Variants in TTC23 observed in about 807,000 individuals in gnomAD.
TTC23 encodes the protein tetratricopeptide repeat protein 23.
TTC23 carries 58 observed loss-of-function variants against 55.1 expected under a neutral mutation model. The observed-to-expected ratio is 1.05, with a 90% CI of 0.85 to 1.31. TTC23 has a LOEUF of 1.31. TTC23 is among the 50% of genes most tolerant of loss of function. TTC23 has a pLI of 0.00. For synonymous variants in TTC23, 203 were observed against 199.9 expected, an observed-to-expected ratio of 1.02 and a Z score of -0.13; for missense variants, 516 against 534.4, an observed-to-expected ratio of 0.97 and a Z score of 0.34.
intron 9 of TTC23, among the ~76,000 whole-genome samples, chr15:99,197,201 C>CA (rs2075801176): frequency 6.6e-6 from 1 of 152,022 alleles, no homozygotes; most frequent in South Asian, 2.1e-4. Flanking sequence ...CTCCCAGGCT[C>CA]ACGCCATTCT....
chr15:99,185,325 G>A (rs1366908879), intron 9 of TTC23, among the ~76,000 whole-genome samples: 3 of 152,294 alleles, frequency 2.0e-5, no homozygotes, highest in Middle Eastern at 3.4e-3. Context: ...ACCATTAGCT[G>A]AGAACTCTGC....
chr15:99,247,062 A>C (rs2080310103), intron 1 of TTC23, among the ~76,000 whole-genome samples: 1 of 152,244 alleles, frequency 6.6e-6, no homozygotes, highest in Non-Finnish European at 1.5e-5. Flanking sequence ...AAGCACATGA[A>C]AAGATGCTTC....
At chr15:99,187,469 C>CAAAAAAAAAAAAAAAAA (rs1451783999) in intron 9 of TTC23, among the ~76,000 whole-genome samples, 1 of 110,656 alleles carries the variant, frequency 9.0e-6, no homozygotes, top group Non-Finnish European at 1.8e-5. Context: ...AAAAAAAAAA[C>CAAAAAAAAAAAAAAAAA]AAAACAAAAG....
At chr15:99,204,639 T>TTTTTTTTTTG in intron 8 of TTC23, among the ~76,000 whole-genome samples, 1 of 126,730 alleles carries the variant, frequency 7.9e-6, no homozygotes, top group Non-Finnish European at 1.6e-5. Flanking sequence ...AAGGTTTTTT[T>TTTTTTTTTTG]TTTTTTTTTT....
At position 99,166,489 on chromosome 15, in the gene TTC23, T is replaced by C. The variant is rs546709687; in HGVS notation, c.866-4622A>G. ...ATTTTCCAAAGAGGATGCTTGTCAG[T>C]GTACGTGGACCTCCGGAAGAGGGAA... is the stretch of plus-strand genomic sequence containing the variant. On this transcript the variant is annotated intron_variant, in intron 10 of 13. Transcript: ENST00000394132. Among the ~76,000 whole-genome samples, 5 of 152,184 alleles carry C rather than the reference T, an allele frequency of 3.3e-5. No homozygotes were observed. In the East Asian group the frequency reaches 9.6e-4, roughly 29 times the overall value.
At chr15:99,201,063 A>G (rs1396004779) in intron 8 of TTC23, among the ~76,000 whole-genome samples, 1 of 152,248 alleles carries the variant, frequency 6.6e-6, no homozygotes, top group Non-Finnish European at 1.5e-5. Flanking sequence ...AGCCATTGCT[A>G]TGTTAGCAAT....
intron 10 of TTC23, among the ~76,000 whole-genome samples, chr15:99,162,663 AG>A (rs1407408884): frequency 6.6e-6 from 1 of 152,172 alleles, no homozygotes; most frequent in East Asian, 1.9e-4. Context: ...CAGAATTCTA[AG>A]GTGACCCGTG....
chr15:99,209,104 C>G (rs2076844342), intron 8 of TTC23, among the ~76,000 whole-genome samples: 1 of 152,158 alleles, frequency 6.6e-6, no homozygotes, highest in East Asian at 1.9e-4. Context: ...CTACAGAGCA[C>G]AAGAGGAGAC....
rs35676358 is a variant in TTC23 at position 99,171,559 on chromosome 15, C to CTTTT, written c.865+3487_865+3490dup. On this transcript the variant is annotated intron_variant, in intron 10 of 13. Transcript: ENST00000394132. ...CTTGCTTGCTCCTGAGTCTCTCCGT[C>CTTTT]TTTTTTTTTTTTTTTTTTTTTTGAG... is the stretch of plus-strand genomic sequence containing the variant. Among the ~76,000 whole-genome samples the CTTTT allele has an allele frequency of 1.6e-3, 145 of 92,292 alleles. 1 individual carries two copies. Among genetic ancestry groups the CTTTT allele is most frequent in the East Asian group, 4.1e-3 (11 of 2,682 alleles). 60.5% of individuals were successfully genotyped at this position (92,292 alleles called of 152,430 possible).
At chr15:99,156,052 A>C in intron 12 of TTC23, 96 bp downstream of exon 12, 1 of 1,548,276 alleles carries the variant, frequency 6.5e-7, no homozygotes, top group Non-Finnish European at 8.8e-7. Flanking sequence ...GCCACTTCTA[A>C]AGTTTCATTT....
chr15:99,186,917 G>A (rs1301791726), intron 9 of TTC23, among the ~76,000 whole-genome samples: 1 of 151,890 alleles, frequency 6.6e-6, no homozygotes, highest in East Asian at 1.9e-4. Context: ...CCAAAATCCT[G>A]GTTTGTTTTG....
At chr15:99,219,154 C>CA in intron 6 of TTC23, 106 bp from the exon 7 acceptor site, 1 of 1,277,672 alleles carries the variant, frequency 7.8e-7, no homozygotes, top group Non-Finnish European at 1.1e-6. Context: ...CACATATTGT[C>CA]AAATGACACA....
upstream of TTC23, chr15:99,251,147 T>A (rs2080713515): frequency 6.6e-6 from 1 of 152,138 alleles, no homozygotes; most frequent in Non-Finnish European, 1.5e-5. Flanking sequence ...TGGAGCCGAC[T>A]AAATTACCCC....
chr15:99,244,648 A>G (rs1416249402), intron 2 of TTC23, among the ~76,000 whole-genome samples: 1 of 152,194 alleles, frequency 6.6e-6, no homozygotes. Flanking sequence ...AGATCTAAAT[A>G]CATGGACATT....
chr15:99,240,570 G>A (rs2079691804), intron 3 of TTC23, among the ~76,000 whole-genome samples: 1 of 152,184 alleles, frequency 6.6e-6, no homozygotes, highest in East Asian at 1.9e-4. Context: ...CTGCCCTGGG[G>A]GCAAGGGTAC....
At chr15:99,249,863 T>A (rs1299865382), upstream of TTC23, 1 of 152,130 alleles carries the variant, frequency 6.6e-6, no homozygotes, top group Non-Finnish European at 1.5e-5. Flanking sequence ...AAGAGTGGGG[T>A]CATAAAGTAT....
intron 10 of TTC23, among the ~76,000 whole-genome samples, chr15:99,167,499 G>C (rs1247520459): frequency 2.6e-5 from 4 of 152,224 alleles, no homozygotes; most frequent in Non-Finnish European, 5.9e-5. Flanking sequence ...CTGTGAGTTA[G>C]AGCAGGGAGA....
Position 99,199,912 on chromosome 15 carries a change from A to G in TTC23, c.759+7T>C. 6.2e-7 allele frequency: 1 copy of G among 1,609,400 alleles called. No homozygotes were observed. Among genetic ancestry groups the G allele is most frequent in the Non-Finnish European group, 8.5e-7 (1 of 1,177,870 alleles). ...ACAGCTTTGGTAGCCAGGACCTTGT[A>G]GCTTACCTGGAGGAAGTGGTTGATG... is the stretch of plus-strand genomic sequence containing the variant. On this transcript the variant is annotated splice_region_variant and intron_variant, in intron 9 of 13. Transcript: ENST00000394132.
chr15:99,182,516 G>A (rs2074251485), intron 9 of TTC23, among the ~76,000 whole-genome samples: 2 of 152,072 alleles, frequency 1.3e-5, no homozygotes, highest in Non-Finnish European at 2.9e-5. Flanking sequence ...GATTTTTAAA[G>A]AACTCTTTCT....
Sources: allele counts gnomAD v4.1 joint callset (sites outside exome capture counted in the v4.1 genomes callset), GRCh38; gene constraint gnomAD v4.1.1; transcripts MANE v1.5; gene names NCBI Gene and HGNC (gene_info 2026-07-23, HGNC 2026-07-21).